DICER1: variants seen among roughly 807,000 people sequenced by gnomAD.
DICER1 encodes the protein dicer 1, ribonuclease III, also known as endoribonuclease Dicer.
Under a neutral mutation model 194.1 loss-of-function variants are expected in DICER1, and 43 were observed. That is an observed-to-expected ratio of 0.22 (90% CI 0.17 to 0.29). DICER1 has a LOEUF of 0.29. Ranked by LOEUF, DICER1 falls within the 10% of genes least tolerant of loss-of-function variation. The pLI is 1.00. For synonymous variants in DICER1, 832 were observed against 820.5 expected, an observed-to-expected ratio of 1.01 and a Z score of -0.24; for missense variants, 1,608 against 2,317.0, an observed-to-expected ratio of 0.69 and a Z score of 6.28.
At position 95,090,315 on chromosome 14, in the gene DICER1, C is replaced by T; in HGVS notation, c.*183G>A. ...CAAAAAACTAAAACTACAATTAGTT[C>T]CAAAATTTTATACATATGTTAAATG... On this transcript the variant is annotated 3_prime_UTR_variant, in exon 27 of 27. Transcript: ENST00000343455. The T allele has an allele frequency of 4.5e-6, 3 of 673,836 alleles. No individual in the cohort carries two copies. The South Asian group carries it at 5.8e-5, about 13-fold the overall frequency. 41.7% of individuals were successfully genotyped at this position (673,836 alleles called of 1,614,324 possible). A position where few individuals can be genotyped will look rare whatever the true frequency, so the allele number is the denominator to read the frequency against.
At chr14:95,153,568 C>T (rs1895654637) in intron 1 of DICER1, among the ~76,000 whole-genome samples, 1 of 152,152 alleles carries the variant, frequency 6.6e-6, no homozygotes. Context: ...ATTCTTCATA[C>T]AAGAGAAAAA....
At chr14:95,129,734 T>TA (rs1893790378) in intron 5 of DICER1, 102 bp from the exon 6 acceptor site, 2 of 1,125,512 alleles carry the variant, frequency 1.8e-6, no homozygotes, top group African/African-American at 1.6e-5. Flanking sequence ...TAACAAATAG[T>TA]AAAAAAGAAT....
upstream of DICER1, chr14:95,157,561 C>T (rs1195238956): frequency 6.5e-6 from 1 of 152,720 alleles, no homozygotes; most frequent in Non-Finnish European, 1.5e-5. Context: ...CGCCCCCACG[C>T]TCCGCTCGCC....
rs1325355975 is a variant in DICER1, at chr14:95,124,286, T to A, written c.1286A>T (p.Lys429Met). The change falls in exon 8 of 27, where the codon AAG becomes ATG. Residue 429 changes from lysine to methionine, a missense_variant. This residue lies in a region of DICER1 where 657 missense variants were observed against 910.1 expected (regional missense o/e 0.72). Coordinates refer to ENST00000343455, the MANE Select transcript of DICER1 (RefSeq NM_177438.3). The surrounding 1 kb of genome is among the most constrained non-coding windows in gnomAD (Gnocchi z 4.5). ...AGGAGAAGGAAAATTTGTCTCTGGC[T>A]TCTCTTTTTCTTCAATTTCTTCATC... ...DEDEEIEEKE[K>M]PETNFPSPFT... The A allele has an allele frequency of 7.4e-6, 12 of 1,614,030 alleles. No individual in the cohort carries two copies. Among genetic ancestry groups the A allele is most frequent in the Non-Finnish European group, 1.0e-5 (12 of 1,180,014 alleles).
At chr14:95,129,314 T>TAACG in intron 6 of DICER1, 158 bp downstream of exon 6, 1 of 654,622 alleles carries the variant, frequency 1.5e-6, no homozygotes, top group Admixed American at 2.6e-5. Flanking sequence ...AACTCACAGG[T>TAACG]AATGGTACTT....
At chr14:95,115,489 GTT>G (rs1325466827) in intron 11 of DICER1, among the ~76,000 whole-genome samples, 176 bp downstream of exon 11, 1 of 151,948 alleles carries the variant, frequency 6.6e-6, no homozygotes, top group African/African-American at 2.4e-5. Context: ...GCACGATACT[GTT>G]TTTGCCTTTT....
intron 24 of DICER1, 111 bp from the exon 25 acceptor site, chr14:95,091,476 G>A: frequency 1.0e-6 from 1 of 961,500 alleles, no homozygotes; most frequent in South Asian, 1.3e-5. Flanking sequence ...TTTAGTAAGG[G>A]GGGAAATACC....
upstream of DICER1, chr14:95,157,839 CCTT>C (rs1464416877): frequency 6.6e-6 from 1 of 152,288 alleles, no homozygotes; most frequent in African/African-American, 2.4e-5. Context: ...CATTGTTGCT[CCTT>C]CTGGCACCCA....
chr14:95,122,866 G>A (rs1026877858), intron 8 of DICER1, among the ~76,000 whole-genome samples: 3 of 151,718 alleles, frequency 2.0e-5, no homozygotes, highest in Admixed American at 6.6e-5. Context: ...CCAATTTCTC[G>A]TTACTCAAAA....
Position 95,124,449 on chromosome 14 carries a change from G to A in DICER1, c.1123C>T (p.Pro375Ser), listed in dbSNP as rs1595439411. Residue 375 changes from proline to serine, a missense_variant, in exon 8 of 27, where the codon CCT (proline) becomes TCT (serine). Around this residue, in one of 10 missense-constraint regions of DICER1, gnomAD observed 657 missense variants for 910.1 expected, o/e 0.72. Transcript: ENST00000343455. The surrounding 1 kb of genome is among the most constrained non-coding windows in gnomAD (Gnocchi z 4.5). ...ATTTCGAGCAGTTTGATTACTTTAGGAGTTACAAATTTCAGGTCAAGTGAG... is the reference window on the plus strand; with the variant it reads ...ATTTCGAGCAGTTTGATTACTTTAGAAGTTACAAATTTCAGGTCAAGTGAG... ...PASLDLKFVTPKVIKLLEILR... is the reference protein window; with the variant it reads ...PASLDLKFVTSKVIKLLEILR... 5.6e-6 allele frequency: 9 copies of A among 1,614,098 alleles called. No individual in the cohort carries two copies. Among genetic ancestry groups the A allele is most frequent in the African/African-American group, 1.3e-5 (1 of 75,034 alleles).
intron 3 of DICER1, 36 bp from the exon 4 acceptor site, chr14:95,131,675 A>G (rs751708053): frequency 7.5e-6 from 12 of 1,605,988 alleles, no homozygotes. Context: ...TAAATATGAG[A>G]AATCTTGCCT....
At chr14:95,116,775 A>G in intron 9 of DICER1, 80 bp from the exon 10 acceptor site, 1 of 1,412,430 alleles carries the variant, frequency 7.1e-7, no homozygotes, top group Non-Finnish European at 1.0e-6. Context: ...AAAGTAAATG[A>G]CAACTGTCAT....
intron 7 of DICER1, among the ~76,000 whole-genome samples, chr14:95,125,838 G>C (rs1238475229): frequency 6.6e-6 from 1 of 150,638 alleles, no homozygotes; most frequent in African/African-American, 2.4e-5. Context: ...AAAAAGACAG[G>C]AAAGAAAAGA....
At position 95,111,566 on chromosome 14, in the gene DICER1, A is replaced by C. The variant is rs761566320; in HGVS notation, c.2117-110T>G. On this transcript the variant is annotated intron_variant, in intron 13 of 26. Transcript: ENST00000343455. ...GGACCTGGAAAAGTAATGGAAACTA[A>C]AGCACCTTTGCCTTTTACAATTTAA... is the stretch of plus-strand genomic sequence containing the variant. 1.9e-5 allele frequency: 23 copies of C among 1,195,970 alleles called. No individual in the cohort carries two copies. In the African/African-American group the frequency reaches 3.3e-4, roughly 17 times the overall value. The allele number at this position is 1,195,970 out of a possible 1,614,324, so 74.1% of individuals were successfully genotyped here.
chr14:95,139,713 A>G (rs569019912), intron 1 of DICER1, among the ~76,000 whole-genome samples: 120 of 152,324 alleles, frequency 7.9e-4, no homozygotes, highest in Non-Finnish European at 1.3e-3. Flanking sequence ...GGATCAAGAT[A>G]TATTTCTATT....
chr14:95,096,314 C>T lies in DICER1; in HGVS notation c.4606G>A (p.Gly1536Ser). 1 of 1,614,208 alleles carries T rather than the reference C, an allele frequency of 6.2e-7. No homozygotes were observed. The highest frequency in any genetic ancestry group is 8.5e-7 in the Non-Finnish European group (1 of 1,180,044). Reference protein sequence around the residue: ...GFWNPSEENCGVDTGKQSISY... With the variant: ...GFWNPSEENCSVDTGKQSISY... ...ATGGACTGCTTTCCCGTGTCAACAC[C>T]ACAGTTTTCTTCTGATGGATTCCAG... Residue 1536 changes from glycine (G) to serine (S), a missense_variant, in exon 23 of 27, where the codon GGT becomes AGT. By Grantham distance (56) the Gly-to-Ser change is moderately conservative (BLOSUM62 0). This residue lies in a region of DICER1 where 164 missense variants were observed against 183.7 expected (regional missense o/e 0.89). Coordinates refer to ENST00000343455, the MANE Select transcript of DICER1 (RefSeq NM_177438.3).
chr14:95,102,053 G>C (rs1371337358), intron 21 of DICER1, among the ~76,000 whole-genome samples: 1 of 152,112 alleles, frequency 6.6e-6, no homozygotes, highest in Non-Finnish European at 1.5e-5. Flanking sequence ...CTACCTCTCA[G>C]AATTATAAAA....
At chr14:95,133,795 T>C (rs1566817130) in intron 1 of DICER1, among the ~76,000 whole-genome samples, 1 of 152,194 alleles carries the variant, frequency 6.6e-6, no homozygotes, top group East Asian at 1.9e-4. Context: ...AAGAAATAAC[T>C]TTAAAATCTA....
rs750927764 is a variant in DICER1, at chr14:95,105,747, C to T, written c.3024G>A (p.Lys1008=). The change falls in exon 19 of 27, where the codon AAG becomes AAA. Residue 1008 remains lysine, a synonymous_variant. Coordinates refer to ENST00000343455, the MANE Select transcript of DICER1 (RefSeq NM_177438.3). This position sits in a 1 kb window ranked among gnomAD's most constrained non-coding sequence, Gnocchi z 4.9. The part of the protein sequence containing the change: ...NLLTPRHLNQ[K]GKALPLSSAE... The stretch of plus-strand genomic sequence containing the variant: ...CACTGCTTAAAGGAAGCGCTTTCCC[C>T]TTCTGATTCAAATGTCGAGGTGTCA... 2.5e-6 allele frequency: 4 copies of T among 1,614,192 alleles called. No individual in the cohort carries two copies. Among genetic ancestry groups the T allele is most frequent in the Non-Finnish European group, 3.4e-6 (4 of 1,180,012 alleles).
Sources: allele counts gnomAD v4.1 joint callset (sites outside exome capture counted in the v4.1 genomes callset), GRCh38; gene constraint gnomAD v4.1.1; regional missense constraint gnomAD v4.1.1; non-coding constraint Gnocchi (gnomAD v3.1); transcripts MANE v1.5; gene names NCBI Gene and HGNC (gene_info 2026-07-23, HGNC 2026-07-21).